The following MAN1C1 variants were observed in gnomAD, a reference collection of about 807,000 sequenced individuals.
MAN1C1 encodes the protein mannosidase alpha class 1C member 1, also known as mannosyl-oligosaccharide 1,2-alpha-mannosidase IC.
In MAN1C1, 49 loss-of-function variants were observed where a neutral mutation model predicts 71.5. The ratio of observed to expected loss-of-function variants is 0.69; its 90% CI spans 0.54 to 0.87. MAN1C1 has a LOEUF of 0.87. Ranked by LOEUF, MAN1C1 falls within the 40% of genes least tolerant of loss-of-function variation. MAN1C1 has a pLI of 0.00. For synonymous variants in MAN1C1, 352 were observed against 343.7 expected (o/e 1.02, Z -0.27); for missense variants, 743 against 835.0 (o/e 0.89, Z 1.36).
chr1:25,667,344 C>T (rs1244856320), intron 1 of MAN1C1, among the ~76,000 whole-genome samples: 1 of 151,486 alleles, frequency 6.6e-6, no homozygotes, highest in Non-Finnish European at 1.5e-5. Context: ...ATTAGCCAGG[C>T]GTGGTGGCAG....
At chr1:25,646,956 T>C (rs572234096) in intron 1 of MAN1C1, among the ~76,000 whole-genome samples, 174 of 152,310 alleles carry the variant, frequency 1.1e-3, no homozygotes, top group African/African-American at 4.0e-3. Context: ...CTGGGTCATA[T>C]GGTGACTCTG....
At chr1:25,638,492 C>CT (rs2045494254) in intron 1 of MAN1C1, among the ~76,000 whole-genome samples, 1 of 152,108 alleles carries the variant, frequency 6.6e-6, no homozygotes, top group South Asian at 2.1e-4. Context: ...TTCATTTCTT[C>CT]TTATATGTCT....
intron 2 of MAN1C1, among the ~76,000 whole-genome samples, chr1:25,703,110 A>T (rs1572161477): frequency 1.3e-5 from 2 of 152,174 alleles, no homozygotes; most frequent in Admixed American, 6.5e-5. Flanking sequence ...GATGGTTCTG[A>T]TGCACAACCC....
chr1:25,751,309 TTCTG>T (rs759052746), intron 4 of MAN1C1, among the ~76,000 whole-genome samples: 13 of 151,246 alleles, frequency 8.6e-5, no homozygotes, highest in African/African-American at 3.2e-4. Flanking sequence ...CCACCTTTTC[TTCTG>T]TCTTTTTCTC....
chr1:25,699,279 A>C lies in MAN1C1; in HGVS notation c.637+12743A>C, dbSNP rs368811983. Reference sequence around the variant, plus strand: ...TGCGCCATTGCACTCCAGCCTGGGCAACAAGAGCGAAACTCCATCTTAAAT... The same window carrying C: ...TGCGCCATTGCACTCCAGCCTGGGCCACAAGAGCGAAACTCCATCTTAAAT... On this transcript the variant is annotated intron_variant, in intron 2 of 11. Coordinates refer to ENST00000374332, the MANE Select transcript of MAN1C1 (RefSeq NM_020379.4). Among the ~76,000 whole-genome samples the C allele has an allele frequency of 2.0e-5, 3 of 151,908 alleles. No individual in the cohort carries two copies. The East Asian group carries it at 5.8e-4, about 29-fold the overall frequency.
rs540826118 is a variant in MAN1C1 at position 25,684,501 on chromosome 1, A to C, written c.541-1939A>C. Reference sequence around the variant, plus strand: ...GTTCTGGCCTGGCTGCTGTGCTGCCATGACCACTTCTCATCTCTGGGCCTC... The same window carrying C: ...GTTCTGGCCTGGCTGCTGTGCTGCCCTGACCACTTCTCATCTCTGGGCCTC... On this transcript the variant is annotated intron_variant, in intron 1 of 11. Transcript: ENST00000374332. Among the ~76,000 whole-genome samples the C allele has an allele frequency of 3.3e-5, 5 of 152,332 alleles. No homozygotes were observed. The East Asian group carries it at 9.7e-4, about 29-fold the overall frequency.
chr1:25,754,310 G>C (rs1447309335), intron 5 of MAN1C1, among the ~76,000 whole-genome samples: 1 of 152,226 alleles, frequency 6.6e-6, no homozygotes, highest in African/African-American at 2.4e-5. Context: ...TCAGCCAGCT[G>C]TCTGGGAGGG....
chr1:25,657,170 G>A (rs2045780341), intron 1 of MAN1C1, among the ~76,000 whole-genome samples: 1 of 152,116 alleles, frequency 6.6e-6, no homozygotes, highest in Non-Finnish European at 1.5e-5. Context: ...TCCTGCCTGG[G>A]GCCCTCAGCC....
rs188995628 is a variant in MAN1C1 at position 25,631,446 on chromosome 1, T to A, written c.540+13109T>A. ...TGCCTGGTTTGTTGAGAGTTTTTTT[T>A]ATCATAAAAGGATGCTGGATCTTAT... On this transcript the variant is annotated intron_variant, in intron 1 of 11. Transcript: ENST00000374332. This position sits in a 1 kb window ranked among gnomAD's most constrained non-coding sequence, Gnocchi z 4.2. 1.2e-4 allele frequency among the ~76,000 whole-genome samples: 19 copies of A among 152,356 alleles called. No homozygotes were observed. Among genetic ancestry groups the A allele is most frequent in the South Asian group, 2.1e-4 (1 of 4,822 alleles).
chr1:25,727,220 C>T (rs761875278), intron 2 of MAN1C1, among the ~76,000 whole-genome samples: 3 of 152,122 alleles, frequency 2.0e-5, no homozygotes, highest in South Asian at 2.1e-4. Flanking sequence ...CTCTGTGAAC[C>T]GGGTTTAACA....
chr1:25,652,980 A>G (rs2124074047), intron 1 of MAN1C1, among the ~76,000 whole-genome samples: 1 of 149,452 alleles, frequency 6.7e-6, no homozygotes, highest in African/African-American at 2.5e-5. Context: ...CTGGTCTTGA[A>G]CTCCTGGCCT....
At chr1:25,763,447 C>T (rs1182632680) in intron 6 of MAN1C1, among the ~76,000 whole-genome samples, 2 of 144,712 alleles carry the variant, frequency 1.4e-5, no homozygotes, top group African/African-American at 5.2e-5. Context: ...CAAGATCGTG[C>T]CACTGCACTC....
chr1:25,695,775 A>G (rs1182468896), intron 2 of MAN1C1, among the ~76,000 whole-genome samples: 1 of 152,208 alleles, frequency 6.6e-6, no homozygotes, highest in Non-Finnish European at 1.5e-5. Flanking sequence ...TCAAAAGAAA[A>G]TTGGAGGTTA....
Position 25,709,309 on chromosome 1 carries a change from C to T in MAN1C1, c.637+22773C>T, listed in dbSNP as rs143820463. 1.6e-3 allele frequency among the ~76,000 whole-genome samples: 240 copies of T among 152,310 alleles called. 1 individual carries two copies. Among genetic ancestry groups the T allele is most frequent in the African/African-American group, 5.4e-3 (225 of 41,558 alleles). On this transcript the variant is annotated intron_variant, in intron 2 of 11. Transcript: ENST00000374332. ...TAAGCTAGGTGAGTTTAGGAAAGTC[C>T]AGCAGGGCCACCTACTTATTTTGCA... is the stretch of plus-strand genomic sequence containing the variant.
chr1:25,724,465 A>G (rs1211262615), intron 2 of MAN1C1, among the ~76,000 whole-genome samples: 2 of 151,298 alleles, frequency 1.3e-5, no homozygotes, highest in East Asian at 3.9e-4. Context: ...TCTAGTTCAT[A>G]TGTATTCCCA....
chr1:25,729,313 T>TC (rs2046877295), intron 2 of MAN1C1, among the ~76,000 whole-genome samples: 2 of 152,130 alleles, frequency 1.3e-5, no homozygotes, highest in Non-Finnish European at 2.9e-5. Flanking sequence ...TGCTCATCCT[T>TC]CCCGATCCAT....
intron 2 of MAN1C1, among the ~76,000 whole-genome samples, chr1:25,687,397 C>A (rs2046247106): frequency 6.6e-6 from 1 of 152,142 alleles, no homozygotes; most frequent in Non-Finnish European, 1.5e-5. Context: ...AACACCCATG[C>A]AAGTTGCCAG....
intron 7 of MAN1C1, among the ~76,000 whole-genome samples, chr1:25,767,715 T>TACATACACTCTCCCTAC (rs2047459707): frequency 6.5e-5 from 1 of 15,468 alleles, no homozygotes; most frequent in African/African-American, 2.7e-4. Context: ...ACACATACAT[T>TACATACACTCTCCCTAC]ACACACTCCC....
At chr1:25,650,278 G>A (rs1049232861) in intron 1 of MAN1C1, among the ~76,000 whole-genome samples, 2 of 148,914 alleles carry the variant, frequency 1.3e-5, no homozygotes, top group Non-Finnish European at 2.9e-5. Flanking sequence ...GGCTCTAAAG[G>A]GATTAATCGA....
Sources: gnomAD v4.1 joint callset for allele counts (sites outside exome capture counted in the v4.1 genomes callset) on GRCh38, gnomAD v4.1.1 for gene constraint, Gnocchi (gnomAD v3.1) non-coding constraint, MANE v1.5 for transcripts, NCBI Gene and HGNC (gene_info 2026-07-23, HGNC 2026-07-21) for gene names.